Variants in GRID1 observed in about 807,000 individuals in gnomAD.
The protein encoded by GRID1 is glutamate ionotropic receptor delta type subunit 1.
In GRID1, 28 loss-of-function variants were observed where a neutral mutation model predicts 98.0. That is an observed-to-expected ratio of 0.29 (90% CI 0.21 to 0.39). The LOEUF (loss-of-function observed/expected upper bound fraction) is 0.39. Ranked by LOEUF, GRID1 falls within the 10% of genes least tolerant of loss-of-function variation. GRID1 has a pLI of 1.00. For synonymous variants in GRID1, 553 were observed against 538.5 expected, an observed-to-expected ratio of 1.03 and a Z score of -0.37; for missense variants, 1,111 against 1,340.5, an observed-to-expected ratio of 0.83 and a Z score of 2.67.
chr10:86,120,812 G>A (rs921717193), intron 4 of GRID1, among the ~76,000 whole-genome samples: 3 of 152,130 alleles, frequency 2.0e-5, no homozygotes, highest in African/African-American at 7.2e-5. Context: ...ACCAGTTTTT[G>A]ATGAGAAGTG....
At chr10:86,253,369 A>G (rs375068001) in intron 2 of GRID1, among the ~76,000 whole-genome samples, 29 of 152,194 alleles carry the variant, frequency 1.9e-4, no homozygotes, top group African/African-American at 7.0e-4. Context: ...GATAAAAGAC[A>G]GAGATAAGAA....
At chr10:85,825,608 A>G (rs998275623) in intron 8 of GRID1, among the ~76,000 whole-genome samples, 1 of 152,210 alleles carries the variant, frequency 6.6e-6, no homozygotes, top group Admixed American at 6.5e-5. Context: ...AATTTATGCT[A>G]GATTGTAATG....
At chr10:86,089,469 G>A (rs970303547) in intron 4 of GRID1, among the ~76,000 whole-genome samples, 3 of 152,180 alleles carry the variant, frequency 2.0e-5, no homozygotes, top group Non-Finnish European at 4.4e-5. Flanking sequence ...AACAGAAGGC[G>A]TAAGGAAGAC....
Position 86,206,708 on chromosome 10 carries a change from C to T in GRID1, c.236-60G>A. ...CATCAGGGCGATGCTGCACCAGCTT[C>T]AACCTGCAGGCCCCATGCCTGGCAG... is the stretch of plus-strand genomic sequence containing the variant. On this transcript the variant is annotated intron_variant, in intron 2 of 15. Coordinates refer to ENST00000327946, the MANE Select transcript of GRID1 (RefSeq NM_017551.3). This position sits in a 1 kb window ranked among gnomAD's most constrained non-coding sequence, Gnocchi z 4.1. 6.7e-7 allele frequency: 1 copy of T among 1,491,882 alleles called. No homozygotes were observed. Among genetic ancestry groups the T allele is most frequent in the Non-Finnish European group, 9.2e-7 (1 of 1,091,398 alleles). 92.4% of individuals were successfully genotyped at this position (1,491,882 alleles called of 1,614,324 possible). A position where few individuals can be genotyped will look rare whatever the true frequency, so the allele number is the denominator to read the frequency against.
At chr10:86,303,343 A>T (rs1192973334) in intron 2 of GRID1, among the ~76,000 whole-genome samples, 2 of 152,242 alleles carry the variant, frequency 1.3e-5, no homozygotes, top group Non-Finnish European at 2.9e-5. Flanking sequence ...ATTTTTAAAA[A>T]AATTAGAAAT....
chr10:86,069,443 T>C (rs1179488924), intron 4 of GRID1, among the ~76,000 whole-genome samples: 1 of 152,018 alleles, frequency 6.6e-6, no homozygotes, highest in Non-Finnish European at 1.5e-5. Context: ...GGTCAGGAGA[T>C]CGAGACCACC....
chr10:85,806,657 A>G (rs951243842), intron 8 of GRID1, among the ~76,000 whole-genome samples: 1 of 152,186 alleles, frequency 6.6e-6, no homozygotes, highest in Admixed American at 6.5e-5. Flanking sequence ...CAACGTGGAA[A>G]ACTCAAAAAC....
chr10:85,877,390 T>C (rs566853448), intron 5 of GRID1, among the ~76,000 whole-genome samples: 2 of 152,282 alleles, frequency 1.3e-5, no homozygotes, highest in Admixed American at 1.3e-4. Context: ...GGCTGGGTAC[T>C]CCTCTGAGAC....
rs182259586 is a variant in GRID1, at chr10:85,904,651, G to A, written c.780+11535C>T. Among the ~76,000 whole-genome samples, 148 of 151,828 alleles carry A rather than the reference G, an allele frequency of 9.7e-4. 1 individual carries two copies. Among genetic ancestry groups the A allele is most frequent in the African/African-American group, 3.4e-3 (139 of 41,380 alleles). ...TTTTTACATTCAAAATATAAGTAGA[G>A]ACATTGAAGATTTAACGAAAAAACT... is the stretch of plus-strand genomic sequence containing the variant. On this transcript the variant is annotated intron_variant, in intron 5 of 15. Coordinates refer to ENST00000327946, the MANE Select transcript of GRID1 (RefSeq NM_017551.3).
chr10:85,783,824 A>G (rs1842401900), intron 8 of GRID1, among the ~76,000 whole-genome samples: 1 of 152,224 alleles, frequency 6.6e-6, no homozygotes, highest in African/African-American at 2.4e-5. Flanking sequence ...TGTTGTCACC[A>G]GAAGCTTACT....
chr10:85,625,504 T>C (rs182720997), intron 13 of GRID1, among the ~76,000 whole-genome samples: 1 of 152,232 alleles, frequency 6.6e-6, no homozygotes, highest in East Asian at 1.9e-4. Context: ...TGCAGGAACT[T>C]TAGTGAAAGG....
At chr10:86,211,179 T>C (rs1486441070) in intron 2 of GRID1, among the ~76,000 whole-genome samples, 1 of 152,242 alleles carries the variant, frequency 6.6e-6, no homozygotes, top group Admixed American at 6.5e-5. Context: ...TGGCACATAG[T>C]AGCAACTCAG....
intron 2 of GRID1, among the ~76,000 whole-genome samples, chr10:86,297,843 C>A (rs1589441101): frequency 3.9e-5 from 6 of 152,194 alleles, no homozygotes; most frequent in Admixed American, 3.9e-4. Context: ...GGAAAATCCA[C>A]CTCTCCGGGA....
chr10:86,051,657 G>A (rs1365014612), intron 4 of GRID1, among the ~76,000 whole-genome samples: 1 of 152,136 alleles, frequency 6.6e-6, no homozygotes, highest in East Asian at 1.9e-4. Context: ...CGCAGAAAAT[G>A]AAATACAAAT....
At chr10:85,756,074 C>T (rs1294108238) in intron 8 of GRID1, among the ~76,000 whole-genome samples, 1 of 151,036 alleles carries the variant, frequency 6.6e-6, no homozygotes. Context: ...GTTCCAATAC[C>T]CCCCCTAGTG....
At chr10:86,319,394 C>G (rs1301262082) in intron 2 of GRID1, among the ~76,000 whole-genome samples, 1 of 152,174 alleles carries the variant, frequency 6.6e-6, no homozygotes, top group African/African-American at 2.4e-5. Context: ...AGTGAGAGGG[C>G]CAAGGTCAGA....
chr10:86,281,178 G>A (rs563036959), intron 2 of GRID1, among the ~76,000 whole-genome samples: 18 of 152,370 alleles, frequency 1.2e-4, no homozygotes, highest in African/African-American at 4.3e-4. Context: ...AGTGTTGGAA[G>A]AGGGGGGAGG....
At chr10:86,312,847 G>A (rs913674197) in intron 2 of GRID1, among the ~76,000 whole-genome samples, 7 of 152,298 alleles carry the variant, frequency 4.6e-5, no homozygotes, top group Admixed American at 3.9e-4. Context: ...CCACATTAGC[G>A]GTGGCCCACC....
chr10:85,663,289 T>G (rs1564552106), intron 12 of GRID1, among the ~76,000 whole-genome samples: 3 of 151,974 alleles, frequency 2.0e-5, no homozygotes, highest in African/African-American at 7.3e-5. Flanking sequence ...TCTACACAGA[T>G]ACCTACACAG....
Sources: gnomAD v4.1 joint callset for allele counts (sites outside exome capture counted in the v4.1 genomes callset) on GRCh38, gnomAD v4.1.1 for gene constraint, Gnocchi (gnomAD v3.1) non-coding constraint, MANE v1.5 for transcripts, NCBI Gene and HGNC (gene_info 2026-07-23, HGNC 2026-07-21) for gene names.